The following TENM1 variants were observed in gnomAD, a reference collection of about 807,000 sequenced individuals.
The protein encoded by TENM1 is teneurin-1.
TENM1 carries 35 observed loss-of-function variants against 174.8 expected under a neutral mutation model. That is an observed-to-expected ratio of 0.20 (90% CI 0.15 to 0.27). The LOEUF (loss-of-function observed/expected upper bound fraction) is 0.27, where lower values mean the gene tolerates loss of function less well. Ranked by LOEUF, TENM1 falls within the 10% of genes least tolerant of loss-of-function variation. The pLI is 1.00. For missense variants in TENM1, 1,633 were observed against 2,130.1 expected (o/e 0.77, Z 4.59); for synonymous variants, 781 against 798.7 (o/e 0.98, Z 0.37).
intron 3 of TENM1, among the ~76,000 whole-genome samples, chrX:124,876,591 C>T (rs894533481): frequency 4.5e-5 from 5 of 111,765 alleles, no homozygotes; most frequent in African/African-American, 1.6e-4. Context: ...TTTAATTATG[C>T]TGTTAAAACA....
At chrX:124,414,456 G>T (rs996396527) in intron 25 of TENM1, among the ~76,000 whole-genome samples, 2 of 110,923 alleles carry the variant, frequency 1.8e-5, no homozygotes, top group African/African-American at 6.6e-5. Flanking sequence ...CTCAGCTGCT[G>T]CGGGGTTATT....
In TENM1 at chrX:124,385,844, C is replaced by A. The variant is rs751693457; in HGVS notation, c.5909G>T (p.Gly1970Val). ...CTTGTATAAGACTCTGCGCCCTGTC[C>A]CCAGATGCAGGGTCTGTAGCAATCG... The change falls in exon 29 of 32, where the codon GGG becomes GTG. Residue 1970 changes from glycine (G) to valine (V), a missense_variant. Gly to Val is a moderately radical substitution (Grantham distance 109). Transcript: ENST00000422452. 8.3e-7 allele frequency: 1 copy of A among 1,211,321 alleles called. No individual in the cohort carries two copies. The highest frequency in any genetic ancestry group is 3.0e-5 in the East Asian group (1 of 33,812).
chrX:124,584,124 CAGG>C (rs1320936729), intron 11 of TENM1, among the ~76,000 whole-genome samples: 1 of 110,148 alleles, frequency 9.1e-6, no homozygotes, highest in Non-Finnish European at 1.9e-5. Flanking sequence ...GGATATTATC[CAGG>C]AGAACTTCCC....
intron 4 of TENM1, among the ~76,000 whole-genome samples, chrX:124,732,073 T>C (rs5958570): frequency 0.19 from 20,629 of 111,381 alleles, 2,626 homozygotes; most frequent in African/African-American, 0.46. Context: ...TCAGCAACAT[T>C]TCCACATGCT....
the TENM1 span, among the ~76,000 whole-genome samples, chrX:125,139,304 G>A: frequency 9.0e-6 from 1 of 111,048 alleles, no homozygotes; most frequent in African/African-American, 3.3e-5. Flanking sequence ...GGTCAGGGAG[G>A]GCCCCAATGA....
intron 6 of TENM1, among the ~76,000 whole-genome samples, chrX:124,656,810 A>G (rs2051454593): frequency 8.9e-6 from 1 of 111,874 alleles, no homozygotes; most frequent in Non-Finnish European, 1.9e-5. Context: ...GTAGAAAAAC[A>G]ATACAAAATA....
chrX:124,637,309 C>T (rs1261818812), intron 11 of TENM1, among the ~76,000 whole-genome samples: 1 of 109,964 alleles, frequency 9.1e-6, no homozygotes, highest in Non-Finnish European at 1.9e-5. Flanking sequence ...AGGCTGGTCT[C>T]GATTTCTTGA....
At chrX:124,968,066 T>C (rs1303386330), upstream of TENM1, among the ~76,000 whole-genome samples, 1 of 112,289 alleles carries the variant, frequency 8.9e-6, no homozygotes, top group African/African-American at 3.2e-5. Context: ...AAGTAGAGTT[T>C]AGGTAAATAA....
At chrX:124,410,579 C>T (rs182643199) in intron 25 of TENM1, among the ~76,000 whole-genome samples, 1 of 111,493 alleles carries the variant, frequency 9.0e-6, no homozygotes, top group Non-Finnish European at 1.9e-5. Flanking sequence ...TCAGAGTGAA[C>T]AGGCAACCTA....
At chrX:124,523,402 A>G in exon 17 of TENM1, 1 of 1,211,792 alleles carries the variant, frequency 8.3e-7, no homozygotes, top group Non-Finnish European at 1.1e-6. Flanking sequence ...TCTGGACAGG[A>G]CCCTCCAAAT....
chrX:124,985,341 T>A, the TENM1 span, among the ~76,000 whole-genome samples: 1 of 112,486 alleles, frequency 8.9e-6, no homozygotes, highest in Non-Finnish European at 1.9e-5. Context: ...TCAATCTTGC[T>A]AAATTTATTT....
chrX:124,731,151 C>T (rs996540277), intron 4 of TENM1, among the ~76,000 whole-genome samples: 2 of 110,488 alleles, frequency 1.8e-5, no homozygotes, highest in African/African-American at 6.6e-5. Context: ...GAGCCTGAGG[C>T]TTGAGAAAAA....
chrX:125,107,181 C>A, the TENM1 span, among the ~76,000 whole-genome samples: 5 of 112,259 alleles, frequency 4.5e-5, no homozygotes, highest in South Asian at 1.8e-3. Flanking sequence ...AATAACAATA[C>A]TCCGGTTTTA....
the TENM1 span, among the ~76,000 whole-genome samples, chrX:124,996,196 C>A: frequency 1.8e-5 from 2 of 110,660 alleles, no homozygotes; most frequent in Admixed American, 9.7e-5. Flanking sequence ...CTAATAGGTG[C>A]CTGATCTTTC....
At chrX:125,158,515 G>A in the TENM1 span, among the ~76,000 whole-genome samples, 155 of 110,128 alleles carry the variant, frequency 1.4e-3, no homozygotes, top group African/African-American at 5.0e-3. Context: ...AGAGATACAG[G>A]GTCATGGTTA....
At chrX:125,187,795 T>C in the TENM1 span, among the ~76,000 whole-genome samples, 1 of 111,614 alleles carries the variant, frequency 9.0e-6, no homozygotes, top group African/African-American at 3.3e-5. Context: ...TATATATGTC[T>C]GTGTGTATGC....
chrX:124,446,188 C>T (rs775092890), intron 23 of TENM1, among the ~76,000 whole-genome samples: 6 of 112,265 alleles, frequency 5.3e-5, no homozygotes, highest in Non-Finnish European at 1.1e-4. Flanking sequence ...AAATACAATG[C>T]TATTTGGCCA....
At chrX:124,698,315 A>C (rs1484999601) in intron 5 of TENM1, among the ~76,000 whole-genome samples, 1 of 110,748 alleles carries the variant, frequency 9.0e-6, no homozygotes, top group East Asian at 2.8e-4. Flanking sequence ...TTTGCTATCT[A>C]TCTTGACTAA....
At chrX:124,406,631 A>C in intron 25 of TENM1, 142 bp from the exon 29 acceptor site, 2 of 408,318 alleles carry the variant, frequency 4.9e-6, no homozygotes, top group Non-Finnish European at 8.4e-6. Flanking sequence ...AAGAAGAAAA[A>C]GGTCAGAGAG....
Sources: allele counts gnomAD v4.1 joint callset (sites outside exome capture counted in the v4.1 genomes callset), GRCh38; gene constraint gnomAD v4.1.1; transcripts MANE v1.5; gene names NCBI Gene and HGNC (gene_info 2026-07-23, HGNC 2026-07-21).